Variants in MAP4K4 observed in about 807,000 individuals in gnomAD.
MAP4K4 encodes the protein HPK/GCK-like kinase HGK.
In MAP4K4, 38 loss-of-function variants were observed where a neutral mutation model predicts 189.6. The observed-to-expected ratio is 0.20, with a 90% CI of 0.15 to 0.26. The LOEUF is 0.26. Ranked by LOEUF, MAP4K4 falls within the 10% of genes least tolerant of loss-of-function variation. The pLI is 1.00. For missense variants in MAP4K4, 1,054 were observed against 1,726.9 expected (o/e 0.61, Z 6.91); for synonymous variants, 610 against 624.3 (o/e 0.98, Z 0.34).
intron 3 of MAP4K4, among the ~76,000 whole-genome samples, chr2:101,794,886 T>TA (rs2093505587): frequency 6.6e-6 from 1 of 152,216 alleles, no homozygotes; most frequent in South Asian, 2.1e-4. Flanking sequence ...GTATCCTGTA[T>TA]TCTGGATTTG....
intron 3 of MAP4K4, among the ~76,000 whole-genome samples, chr2:101,797,910 T>TTTTGTTTTTTTTTTTTTTTG: frequency 7.0e-6 from 1 of 142,846 alleles, no homozygotes; most frequent in Non-Finnish European, 1.5e-5. Flanking sequence ...TTTTTTTTTT[T>TTTTGTTTTTTTTTTTTTTTG]GGAGACCAAG....
At chr2:101,832,372 A>G (rs963137910) in intron 7 of MAP4K4, among the ~76,000 whole-genome samples, 13 of 152,222 alleles carry the variant, frequency 8.5e-5, no homozygotes, top group African/African-American at 2.7e-4. Flanking sequence ...TCAGGTTACT[A>G]TGTTTACAAA....
intron 3 of MAP4K4, among the ~76,000 whole-genome samples, chr2:101,794,937 C>T (rs1182837851): frequency 6.6e-6 from 1 of 152,098 alleles, no homozygotes; most frequent in Non-Finnish European, 1.5e-5. Context: ...TCCTTTCTCT[C>T]CTATATTTCC....
At chr2:101,722,648 T>G (rs946802824) in intron 2 of MAP4K4, among the ~76,000 whole-genome samples, 25 of 152,218 alleles carry the variant, frequency 1.6e-4, no homozygotes, top group African/African-American at 6.0e-4. Flanking sequence ...AGTGTATTGT[T>G]TTCACAGTTT....
chr2:101,888,418 AACTATTTTGGT>A (rs1559351513), intron 31 of MAP4K4, among the ~76,000 whole-genome samples: 1 of 152,150 alleles, frequency 6.6e-6, no homozygotes, highest in Non-Finnish European at 1.5e-5. Context: ...TCTATTCCAA[AACTATTTTGGT>A]TTTATTGTAA....
At chr2:101,717,165 T>C (rs1033558082) in intron 2 of MAP4K4, among the ~76,000 whole-genome samples, 7 of 152,278 alleles carry the variant, frequency 4.6e-5, no homozygotes, top group African/African-American at 1.7e-4. Flanking sequence ...AATTCATGGA[T>C]GGCAACACCA....
chr2:101,721,152 GA>G (rs2051654900), intron 2 of MAP4K4, among the ~76,000 whole-genome samples: 1 of 152,132 alleles, frequency 6.6e-6, no homozygotes, highest in African/African-American at 2.4e-5. Context: ...AGTAGACTAT[GA>G]GGTTTAAAAA....
intron 12 of MAP4K4, among the ~76,000 whole-genome samples, chr2:101,848,390 G>C (rs1374720876): frequency 6.6e-6 from 1 of 152,196 alleles, no homozygotes; most frequent in African/African-American, 2.4e-5. Flanking sequence ...GCCATAATTG[G>C]TTCGTAGCCC....
At chr2:101,877,536 C>T (rs529186886) in intron 27 of MAP4K4, among the ~76,000 whole-genome samples, 37 of 146,780 alleles carry the variant, frequency 2.5e-4, no homozygotes, top group Admixed American at 6.2e-4. Context: ...AGTGCAGTGG[C>T]GCGATCTTGG....
chr2:101,793,027 G>A (rs898767107), intron 3 of MAP4K4, among the ~76,000 whole-genome samples: 7 of 152,172 alleles, frequency 4.6e-5, no homozygotes, highest in Non-Finnish European at 8.8e-5. Flanking sequence ...ATACCGATAT[G>A]TGTAATGGAT....
At chr2:101,846,910 C>T (rs866988113) in intron 12 of MAP4K4, among the ~76,000 whole-genome samples, 5 of 152,126 alleles carry the variant, frequency 3.3e-5, no homozygotes, top group Non-Finnish European at 7.3e-5. Context: ...AGAGTGATCC[C>T]GTATTTGGGG....
chr2:101,731,459 A>G, intron 2 of MAP4K4, among the ~76,000 whole-genome samples: 1 of 152,052 alleles, frequency 6.6e-6, no homozygotes, highest in Non-Finnish European at 1.5e-5. Flanking sequence ...GCAGAGAATG[A>G]TCTTAAAAAA....
Position 101,779,336 on chromosome 2 carries a change from G to T in MAP4K4, c.124-11384G>T, listed in dbSNP as rs569585651. Among the ~76,000 whole-genome samples the T allele has an allele frequency of 5.3e-5, 8 of 152,258 alleles. No homozygotes were observed. The South Asian group carries it at 1.7e-3, about 32-fold the overall frequency. ...CTCATTATGCAGAGTAGTCAGGGAA[G>T]GTGGTTAGAGCACTGACTTTATCAA... On this transcript the variant is annotated intron_variant, in intron 2 of 32. Transcript: ENST00000324219.
chr2:101,730,156 GA>G (rs1165062114), intron 2 of MAP4K4, among the ~76,000 whole-genome samples: 2 of 152,216 alleles, frequency 1.3e-5, no homozygotes, highest in African/African-American at 4.8e-5. Flanking sequence ...CTTTGTATGT[GA>G]AACCTTTTTT....
intron 2 of MAP4K4, among the ~76,000 whole-genome samples, chr2:101,721,219 A>G (rs1203033811): frequency 6.6e-6 from 1 of 152,214 alleles, no homozygotes; most frequent in Non-Finnish European, 1.5e-5. Context: ...ACATTGATAC[A>G]GAGATAATCC....
At chr2:101,847,894 G>A (rs1456184104) in intron 12 of MAP4K4, among the ~76,000 whole-genome samples, 1 of 152,152 alleles carries the variant, frequency 6.6e-6, no homozygotes, top group Non-Finnish European at 1.5e-5. Flanking sequence ...CTCTATTCAT[G>A]GTGAGATAGC....
intron 3 of MAP4K4, 121 bp downstream of exon 3, chr2:101,790,897 A>T (rs2148808065): frequency 1.2e-5 from 10 of 854,566 alleles, no homozygotes; most frequent in Non-Finnish European, 1.9e-5. Flanking sequence ...CCCTCCTGTG[A>T]CATTGTGGGT....
At chr2:101,718,969 C>T (rs2050135382) in intron 2 of MAP4K4, among the ~76,000 whole-genome samples, 1 of 152,150 alleles carries the variant, frequency 6.6e-6, no homozygotes. Context: ...ATGTCTTATC[C>T]ATGTGGTGTA....
intron 2 of MAP4K4, among the ~76,000 whole-genome samples, chr2:101,750,664 A>ATAT (rs1038624231): frequency 6.9e-6 from 1 of 145,352 alleles, no homozygotes; most frequent in African/African-American, 2.5e-5. Flanking sequence ...GTATATATAT[A>ATAT]AAAAAAAAAA....
Sources: gnomAD v4.1 joint callset for allele counts (sites outside exome capture counted in the v4.1 genomes callset) on GRCh38, gnomAD v4.1.1 for gene constraint, MANE v1.5 for transcripts, NCBI Gene and HGNC (gene_info 2026-07-23, HGNC 2026-07-21) for gene names.